PTPRD: variants seen among roughly 807,000 people sequenced by gnomAD.
The protein encoded by PTPRD is protein tyrosine phosphatase receptor type D.
A neutral mutation model predicts 214.5 loss-of-function variants in PTPRD; 34 were observed. That is an observed-to-expected ratio of 0.16 (90% CI 0.12 to 0.21). PTPRD has a LOEUF of 0.21. Ranked by LOEUF, PTPRD falls within the 10% of genes least tolerant of loss-of-function variation. The pLI is 1.00. For missense variants in PTPRD, 2,545 were observed against 2,398.7 expected (o/e 1.06, Z -1.27); for synonymous variants, 1,128 against 845.7 (o/e 1.33, Z -5.79).
intron 3 of PTPRD, among the ~76,000 whole-genome samples, chr9:10,306,923 A>G (rs2096090596): frequency 6.6e-6 from 1 of 152,154 alleles, no homozygotes. Flanking sequence ...GTAGAAACAC[A>G]AGCAATTCAT....
intron 8 of PTPRD, among the ~76,000 whole-genome samples, chr9:9,564,884 G>GGTT (rs2083968412): frequency 3.9e-4 from 19 of 48,844 alleles, no homozygotes; most frequent in Non-Finnish European, 4.5e-4. Flanking sequence ...TGAATCTTCT[G>GGTT]TTTTTTTTTT....
intron 5 of PTPRD, among the ~76,000 whole-genome samples, chr9:9,787,421 A>T (rs1227856637): frequency 3.0e-5 from 2 of 66,388 alleles, no homozygotes; most frequent in African/African-American, 1.2e-4. Context: ...TCAACTATGT[A>T]AAAAAAAAAA....
intron 39 of PTPRD, among the ~76,000 whole-genome samples, chr9:8,350,909 C>G (rs1159879960): frequency 6.6e-6 from 1 of 152,108 alleles, no homozygotes; most frequent in Non-Finnish European, 1.5e-5. Context: ...GGTAGTTTTG[C>G]AATCTTCATT....
intron 2 of PTPRD, among the ~76,000 whole-genome samples, chr9:10,523,629 A>AG (rs2053244575): frequency 8.3e-6 from 1 of 121,046 alleles, no homozygotes; most frequent in Non-Finnish European, 1.9e-5. Flanking sequence ...ATATAGACAG[A>AG]AAGAAAGGGA....
intron 14 of PTPRD, among the ~76,000 whole-genome samples, chr9:8,566,100 A>ATGTGTGTGTGTGTGTGTG (rs139478736): frequency 0.016 from 2,242 of 137,850 alleles, 29 homozygotes; most frequent in Non-Finnish European, 0.024. Context: ...AATGCAAAAT[A>ATGTGTGTGTGTGTGTGTG]TGTGTGTGTG....
intron 35 of PTPRD, among the ~76,000 whole-genome samples, chr9:8,422,603 C>T (rs1590008581): frequency 6.6e-6 from 1 of 152,156 alleles, no homozygotes; most frequent in Non-Finnish European, 1.5e-5. Flanking sequence ...TCAAATATAA[C>T]TTCACAGTAG....
At chr9:10,027,760 G>A (rs1234286085) in intron 4 of PTPRD, among the ~76,000 whole-genome samples, 1 of 152,036 alleles carries the variant, frequency 6.6e-6, no homozygotes, top group Non-Finnish European at 1.5e-5. Flanking sequence ...AAGTATTAAT[G>A]AAATAAAATC....
chr9:8,932,753 G>A (rs1381052297), intron 11 of PTPRD, among the ~76,000 whole-genome samples: 2 of 152,194 alleles, frequency 1.3e-5, no homozygotes, highest in Admixed American at 1.3e-4. Context: ...GTTGACTTCA[G>A]ACTGCTGTGC....
At chr9:8,575,787 A>T (rs1564457047) in intron 14 of PTPRD, among the ~76,000 whole-genome samples, 1 of 152,202 alleles carries the variant, frequency 6.6e-6, no homozygotes, top group South Asian at 2.1e-4. Context: ...CAACAAATGT[A>T]GTGACTCTAA....
chr9:9,223,930 T>C (rs549041141), intron 9 of PTPRD, among the ~76,000 whole-genome samples: 1 of 152,136 alleles, frequency 6.6e-6, no homozygotes, highest in South Asian at 2.1e-4. Context: ...GAAATGAATA[T>C]TTTGAATTCA....
At chr9:10,471,105 T>C (rs1001159590) in intron 2 of PTPRD, among the ~76,000 whole-genome samples, 2 of 151,656 alleles carry the variant, frequency 1.3e-5, no homozygotes, top group African/African-American at 4.8e-5. Flanking sequence ...TGAGAACACA[T>C]GGACACAGGG....
chr9:8,597,163 G>C (rs2094520046), intron 14 of PTPRD, among the ~76,000 whole-genome samples: 1 of 152,076 alleles, frequency 6.6e-6, no homozygotes, highest in Admixed American at 6.5e-5. Flanking sequence ...GGGTTAAAGG[G>C]GGAATCTTTC....
intron 12 of PTPRD, among the ~76,000 whole-genome samples, chr9:8,648,255 T>C (rs1444692642): frequency 6.6e-6 from 1 of 152,248 alleles, no homozygotes; most frequent in Non-Finnish European, 1.5e-5. Context: ...CATAACTTTT[T>C]ATTTAATAAA....
intron 3 of PTPRD, among the ~76,000 whole-genome samples, chr9:10,239,533 GGTA>G (rs2099640121): frequency 6.6e-6 from 1 of 151,600 alleles, no homozygotes; most frequent in Non-Finnish European, 1.5e-5. Flanking sequence ...TTCATTTCCA[GGTA>G]GTGAAAGGGA....
intron 11 of PTPRD, among the ~76,000 whole-genome samples, chr9:8,839,378 C>A (rs766061400): frequency 6.6e-6 from 1 of 151,990 alleles, no homozygotes; most frequent in Non-Finnish European, 1.5e-5. Context: ...CAGGCTGGAG[C>A]GCTGTGGCGC....
chr9:9,102,889 G>A (rs985835220), intron 10 of PTPRD, among the ~76,000 whole-genome samples: 2 of 152,164 alleles, frequency 1.3e-5, no homozygotes, highest in Admixed American at 6.5e-5. Context: ...CCAATAGAAT[G>A]AATTAACGCT....
At chr9:10,574,535 A>T (rs1427456086) in intron 2 of PTPRD, among the ~76,000 whole-genome samples, 2 of 109,512 alleles carry the variant, frequency 1.8e-5, no homozygotes, top group Non-Finnish European at 3.7e-5. Flanking sequence ...GAGAGAAAGG[A>T]AAAAAAATAT....
At chr9:9,940,109 T>A (rs1313047078) in intron 4 of PTPRD, among the ~76,000 whole-genome samples, 2 of 152,178 alleles carry the variant, frequency 1.3e-5, no homozygotes, top group Non-Finnish European at 2.9e-5. Flanking sequence ...AAGGAAGGTA[T>A]GATGGAGTTG....
At chr9:9,919,987 A>G (rs2082099021) in intron 5 of PTPRD, among the ~76,000 whole-genome samples, 1 of 152,266 alleles carries the variant, frequency 6.6e-6, no homozygotes, top group Non-Finnish European at 1.5e-5. Context: ...TACACCTTGA[A>G]GTTTTTTTTC....
Sources: allele counts gnomAD v4.1 joint callset (sites outside exome capture counted in the v4.1 genomes callset), GRCh38; gene constraint gnomAD v4.1.1; transcripts MANE v1.5; gene names NCBI Gene and HGNC (gene_info 2026-07-23, HGNC 2026-07-21).